The following ARHGAP24 variants were observed in gnomAD, a reference collection of about 807,000 sequenced individuals.
ARHGAP24 encodes the protein rho GTPase-activating protein 24.
In ARHGAP24, 50 loss-of-function variants were observed where a neutral mutation model predicts 76.4. The ratio of observed to expected loss-of-function variants is 0.65; its 90% CI spans 0.52 to 0.83. The LOEUF (loss-of-function observed/expected upper bound fraction) is 0.83. Among genes scored for constraint, ARHGAP24 ranks in the 40% least tolerant of loss-of-function variants. The probability of loss-of-function intolerance (pLI) is 0.00; values close to 1 mark genes in which losing one functional copy is unlikely to be tolerated. For missense variants in ARHGAP24, 930 were observed against 914.2 expected, an observed-to-expected ratio of 1.02 and a Z score of -0.22; for synonymous variants, 345 against 323.3, an observed-to-expected ratio of 1.07 and a Z score of -0.72.
intron 2 of ARHGAP24, among the ~76,000 whole-genome samples, chr4:85,601,530 T>C (rs1384029106): frequency 6.6e-6 from 1 of 152,140 alleles, no homozygotes; most frequent in Admixed American, 6.5e-5. Flanking sequence ...CCCTGGCTTC[T>C]ACGCGCTAGA....
At chr4:85,501,572 G>GTTTT (rs564204816) in intron 1 of ARHGAP24, among the ~76,000 whole-genome samples, 2 of 152,080 alleles carry the variant, frequency 1.3e-5, no homozygotes, top group African/African-American at 4.8e-5. Flanking sequence ...TGATGGGGTT[G>GTTTT]TTTTTTTCTT....
At chr4:85,569,789 A>T (rs1031370805) in intron 1 of ARHGAP24, among the ~76,000 whole-genome samples, 12 of 152,232 alleles carry the variant, frequency 7.9e-5, no homozygotes, top group Non-Finnish European at 1.6e-4. Flanking sequence ...GGGTAGAAAC[A>T]TCTTGAGATA....
chr4:85,575,615 C>T (rs1727339471), intron 2 of ARHGAP24, among the ~76,000 whole-genome samples: 1 of 152,078 alleles, frequency 6.6e-6, no homozygotes. Flanking sequence ...TGACAAATGA[C>T]CATGGCCTTG....
chr4:85,972,433 T>A (rs1739042547), intron 6 of ARHGAP24: 1 of 457,652 alleles, frequency 2.2e-6, no homozygotes, highest in Non-Finnish European at 4.0e-6. Flanking sequence ...AATGCAGTGC[T>A]ATGTCAGGCC....
chr4:85,631,956 C>G (rs1427805281), intron 2 of ARHGAP24, among the ~76,000 whole-genome samples: 2 of 152,040 alleles, frequency 1.3e-5, no homozygotes, highest in African/African-American at 4.8e-5. Flanking sequence ...AACTAGAATA[C>G]ATCTACATGT....
rs567669557 is a variant in ARHGAP24, at chr4:85,839,640, C to G, written c.269-84008C>G. ...CAGTTTTTGTATTTTTAGTAGAGAC[C>G]GCATTTCACTATGTTGGCCAGGATG... On this transcript the variant is annotated intron_variant, in intron 3 of 9. Coordinates refer to ENST00000395184, the MANE Select transcript of ARHGAP24 (RefSeq NM_001025616.3). Among the ~76,000 whole-genome samples the G allele has an allele frequency of 1.8e-3, 268 of 150,954 alleles. 2 individuals are homozygous for G. Among genetic ancestry groups the G allele is most frequent in the African/African-American group, 6.3e-3 (261 of 41,146 alleles).
At chr4:85,822,593 T>A (rs1417134853) in intron 3 of ARHGAP24, among the ~76,000 whole-genome samples, 2 of 152,156 alleles carry the variant, frequency 1.3e-5, no homozygotes, top group South Asian at 2.1e-4. Flanking sequence ...ACAGAGGAGA[T>A]CTCTCTGAAA....
At position 85,697,049 on chromosome 4, in the gene ARHGAP24, C is replaced by T. The variant is rs114844176; in HGVS notation, c.181-24836C>T. On this transcript the variant is annotated intron_variant, in intron 2 of 9. Coordinates refer to ENST00000395184, the MANE Select transcript of ARHGAP24 (RefSeq NM_001025616.3). ...CACAGTTGAAACTATAAGAAAAATC[C>T]CCTTTTAGTTTTAGAAAATCACTGG... Among the ~76,000 whole-genome samples, 815 of 152,116 alleles carry T rather than the reference C, an allele frequency of 5.4e-3. 7 individuals carry two copies. The highest frequency in any genetic ancestry group is 0.019 in the African/African-American group (771 of 41,468).
intron 1 of ARHGAP24, among the ~76,000 whole-genome samples, chr4:85,499,889 C>T (rs1163264479): frequency 4.6e-5 from 7 of 152,048 alleles, no homozygotes; most frequent in African/African-American, 7.2e-5. Flanking sequence ...ATAATCGGTA[C>T]TATTTTTAAT....
At chr4:85,807,221 T>C (rs1290985887) in intron 3 of ARHGAP24, among the ~76,000 whole-genome samples, 1 of 152,154 alleles carries the variant, frequency 6.6e-6, no homozygotes, top group African/African-American at 2.4e-5. Flanking sequence ...CAACCAGTCA[T>C]CTACATTAGG....
At chr4:85,579,792 T>C (rs1727533183) in intron 2 of ARHGAP24, among the ~76,000 whole-genome samples, 1 of 152,176 alleles carries the variant, frequency 6.6e-6, no homozygotes, top group Non-Finnish European at 1.5e-5. Flanking sequence ...GTACTTTGTT[T>C]CTTCTTTTGT....
At chr4:85,974,813 A>G (rs1739230302) in intron 6 of ARHGAP24, 75 bp from the exon 7 acceptor site, 4 of 1,384,586 alleles carry the variant, frequency 2.9e-6, no homozygotes, top group East Asian at 4.6e-5. Flanking sequence ...AAAAAATTAT[A>G]TGGCCATTTC....
At chr4:85,880,205 A>T (rs1733164408) in intron 3 of ARHGAP24, among the ~76,000 whole-genome samples, 1 of 152,230 alleles carries the variant, frequency 6.6e-6, no homozygotes, top group Admixed American at 6.5e-5. Context: ...TGTGAATGTG[A>T]TCTCTCTTTT....
intron 3 of ARHGAP24, among the ~76,000 whole-genome samples, chr4:85,852,135 G>C (rs1284430677): frequency 6.6e-6 from 1 of 152,150 alleles, no homozygotes; most frequent in Non-Finnish European, 1.5e-5. Flanking sequence ...CTTCTTGGAG[G>C]CTTTGTTTGT....
At chr4:85,780,356 T>C (rs909002761) in intron 3 of ARHGAP24, among the ~76,000 whole-genome samples, 1 of 152,042 alleles carries the variant, frequency 6.6e-6, no homozygotes, top group Non-Finnish European at 1.5e-5. Context: ...GTAATTTTGG[T>C]AGAGATGGGG....
chr4:85,893,746 G>A (rs1445487023), intron 3 of ARHGAP24, among the ~76,000 whole-genome samples: 1 of 150,572 alleles, frequency 6.6e-6, no homozygotes, highest in Non-Finnish European at 1.5e-5. Flanking sequence ...AGTCTGATGG[G>A]CTTTCCTTTG....
chr4:85,911,114 G>GGCTGCA (rs1407933293), intron 3 of ARHGAP24, among the ~76,000 whole-genome samples: 1 of 152,194 alleles, frequency 6.6e-6, no homozygotes, highest in African/African-American at 2.4e-5. Flanking sequence ...CAGTTTGGAT[G>GGCTGCA]GCTGCAGCTG....
intron 3 of ARHGAP24, among the ~76,000 whole-genome samples, chr4:85,832,906 C>T (rs1035250589): frequency 6.6e-6 from 1 of 152,152 alleles, no homozygotes; most frequent in Non-Finnish European, 1.5e-5. Flanking sequence ...TGGCAGTTAC[C>T]ATAGCAGAAT....
chr4:85,826,120 TCTC>T (rs1729700200), intron 3 of ARHGAP24, among the ~76,000 whole-genome samples: 2 of 152,130 alleles, frequency 1.3e-5, no homozygotes, highest in Non-Finnish European at 2.9e-5. Flanking sequence ...CCTTTCCTGT[TCTC>T]CACCTGTCTC....
Sources: gnomAD v4.1 joint callset for allele counts (sites outside exome capture counted in the v4.1 genomes callset) on GRCh38, gnomAD v4.1.1 for gene constraint, MANE v1.5 for transcripts, NCBI Gene and HGNC (gene_info 2026-07-23, HGNC 2026-07-21) for gene names.